Variants in CSMD3 observed in about 807,000 individuals in gnomAD.
CSMD3 encodes the protein CUB and sushi domain-containing protein 3.
Under a neutral mutation model 435.2 loss-of-function variants are expected in CSMD3, and 177 were observed. The ratio of observed to expected loss-of-function variants is 0.41; its 90% CI spans 0.36 to 0.46. The LOEUF (loss-of-function observed/expected upper bound fraction) is 0.46, where lower values mean the gene tolerates loss of function less well. Ranked by LOEUF, CSMD3 falls within the 20% of genes least tolerant of loss-of-function variation. The pLI is 0.34. For missense variants in CSMD3, 4,265 were observed against 4,504.6 expected (o/e 0.95, Z 1.52); for synonymous variants, 1,656 against 1,520.5 (o/e 1.09, Z -2.07).
At chr8:112,439,862 T>TCC (rs75592155) in intron 32 of CSMD3, among the ~76,000 whole-genome samples, 2 of 150,182 alleles carry the variant, frequency 1.3e-5, no homozygotes, top group African/African-American at 4.9e-5. Context: ...TGCCACTAGG[T>TCC]CCCCCCCCGC....
chr8:112,617,925 G>A (rs1833783212), intron 22 of CSMD3, among the ~76,000 whole-genome samples: 1 of 151,984 alleles, frequency 6.6e-6, no homozygotes, highest in Admixed American at 6.6e-5. Flanking sequence ...TCTCATATGT[G>A]TAGCTGCCAG....
chr8:113,121,590 T>C (rs780651995), intron 4 of CSMD3, among the ~76,000 whole-genome samples: 12 of 152,078 alleles, frequency 7.9e-5, no homozygotes, highest in Non-Finnish European at 1.6e-4. Context: ...AAATACTACA[T>C]AATGGCTGAA....
intron 1 of CSMD3, among the ~76,000 whole-genome samples, chr8:113,388,178 G>C (rs772703127): frequency 1.3e-5 from 2 of 151,480 alleles, no homozygotes; most frequent in Non-Finnish European, 3.0e-5. Context: ...TTTTCATAGC[G>C]GACATCCCAT....
chr8:112,656,327 A>G lies in CSMD3; in HGVS notation c.2831T>C (p.Leu944Pro), dbSNP rs1290874384. Reference protein sequence around the residue: ...KITFERFQTELNYDVLEVHDG... With the variant: ...KITFERFQTEPNYDVLEVHDG... ...ATGAACTTCCAGAACATCATAATTCAGTTCAGTCTGAAATCTAAGATTAAA... is the reference window on the plus strand; with the variant it reads ...ATGAACTTCCAGAACATCATAATTCGGTTCAGTCTGAAATCTAAGATTAAA... The change falls in exon 18 of 71, where the codon CTG (leucine) becomes CCG (proline). Residue 944 changes from leucine to proline, a missense_variant. By Grantham distance (98) the Leu-to-Pro change is moderately conservative. Transcript: ENST00000297405. The G allele has an allele frequency of 1.2e-6, 2 of 1,612,138 alleles. No homozygotes were observed. Among genetic ancestry groups the G allele is most frequent in the South Asian group, 2.2e-5 (2 of 90,924 alleles).
intron 1 of CSMD3, among the ~76,000 whole-genome samples, chr8:113,432,184 A>C (rs1465363400): frequency 2.6e-5 from 4 of 152,158 alleles, no homozygotes; most frequent in Non-Finnish European, 5.9e-5. Context: ...ACGGTGCTGC[A>C]AAAGGACATT....
At chr8:112,963,535 C>A (rs1019358397) in intron 7 of CSMD3, among the ~76,000 whole-genome samples, 1 of 151,888 alleles carries the variant, frequency 6.6e-6, no homozygotes, top group Non-Finnish European at 1.5e-5. Flanking sequence ...TGTTGCTCAT[C>A]ATCCTACCAT....
chr8:112,485,486 T>A (rs1672147157), intron 31 of CSMD3, among the ~76,000 whole-genome samples: 1 of 152,120 alleles, frequency 6.6e-6, no homozygotes, highest in African/African-American at 2.4e-5. Flanking sequence ...GCATTGATAA[T>A]GGAATGAGAC....
At chr8:112,820,488 C>A (rs1342041521) in intron 12 of CSMD3, among the ~76,000 whole-genome samples, 1 of 151,890 alleles carries the variant, frequency 6.6e-6, no homozygotes, top group Non-Finnish European at 1.5e-5. Context: ...ATCTGAATTT[C>A]TCTGTGTGCC....
Position 112,494,457 on chromosome 8 carries a change from C to A in CSMD3, c.5084-1774G>T, listed in dbSNP as rs545332159. Among the ~76,000 whole-genome samples the A allele has an allele frequency of 2.3e-4, 31 of 135,494 alleles. 1 individual carries two copies. The highest frequency in any genetic ancestry group is 4.4e-4 in the Non-Finnish European group (26 of 59,064). 88.9% of individuals were successfully genotyped at this position (135,494 alleles called of 152,430 possible). A position where few individuals can be genotyped will look rare whatever the true frequency, so the allele number is the denominator to read the frequency against. The stretch of plus-strand genomic sequence containing the variant: ...TTTCTTTGTTTTCTTTTGTTTCTTT[C>A]TCTCCTTTCTCTTTCTTTTCTTTTG... On this transcript the variant is annotated intron_variant, in intron 30 of 70. Coordinates refer to ENST00000297405, the MANE Select transcript of CSMD3 (RefSeq NM_198123.2).
chr8:113,324,094 G>C (rs1024655286), intron 1 of CSMD3, among the ~76,000 whole-genome samples: 1 of 152,154 alleles, frequency 6.6e-6, no homozygotes, highest in Non-Finnish European at 1.5e-5. Flanking sequence ...CTTGGGTGTT[G>C]TTAAAGGCAT....
intron 3 of CSMD3, among the ~76,000 whole-genome samples, chr8:113,233,346 T>A (rs1003766600): frequency 6.6e-6 from 1 of 151,290 alleles, no homozygotes; most frequent in Non-Finnish European, 1.5e-5. Context: ...CTTTTAATAA[T>A]GTCTTGACTG....
intron 14 of CSMD3, 29 bp from the exon 15 acceptor site, chr8:112,685,761 A>G (rs2131806666): frequency 1.5e-6 from 2 of 1,330,978 alleles, no homozygotes; most frequent in East Asian, 2.3e-5. Flanking sequence ...TATGAAATAC[A>G]ATAAATATTC....
intron 11 of CSMD3, among the ~76,000 whole-genome samples, chr8:112,854,819 T>A (rs1479461248): frequency 6.6e-6 from 1 of 152,126 alleles, no homozygotes; most frequent in Non-Finnish European, 1.5e-5. Context: ...AAACTTCACC[T>A]GAGGCAATTA....
intron 6 of CSMD3, among the ~76,000 whole-genome samples, chr8:112,985,322 C>A (rs1290410064): frequency 1.3e-5 from 2 of 151,922 alleles, no homozygotes; most frequent in Admixed American, 6.6e-5. Flanking sequence ...AAGACATATT[C>A]AGAAAACTTC....
At chr8:112,866,625 G>T (rs1340924761) in intron 10 of CSMD3, among the ~76,000 whole-genome samples, 1 of 152,042 alleles carries the variant, frequency 6.6e-6, no homozygotes, top group Non-Finnish European at 1.5e-5. Context: ...TTGTAGTCTT[G>T]CCCCTAGTAG....
In CSMD3 at chr8:112,686,162, G is replaced by C. The variant is rs76161168; in HGVS notation, c.2156-430C>G. 2.1e-3 allele frequency among the ~76,000 whole-genome samples: 317 copies of C among 152,254 alleles called. 1 individual carries two copies. The highest frequency in any genetic ancestry group is 7.3e-3 in the African/African-American group (305 of 41,572). The stretch of plus-strand genomic sequence containing the variant: ...TAGCTCAGAAAACACTCAAGGGGAT[G>C]GTTATCAATGTGTGAGTTCCATTTC... On this transcript the variant is annotated intron_variant, in intron 14 of 70. Transcript: ENST00000297405.
At chr8:113,268,830 T>C (rs2093494439) in intron 3 of CSMD3, among the ~76,000 whole-genome samples, 1 of 152,194 alleles carries the variant, frequency 6.6e-6, no homozygotes, top group East Asian at 1.9e-4. Flanking sequence ...TGCATAGCTT[T>C]TATAGTCAAG....
chr8:113,195,508 TA>T (rs2092641022), intron 3 of CSMD3, among the ~76,000 whole-genome samples: 1 of 150,814 alleles, frequency 6.6e-6, no homozygotes, highest in Non-Finnish European at 1.5e-5. Flanking sequence ...TTCAGATAAG[TA>T]AATATTTAAT....
At chr8:113,078,894 C>T (rs1446200498) in intron 5 of CSMD3, among the ~76,000 whole-genome samples, 1 of 152,088 alleles carries the variant, frequency 6.6e-6, no homozygotes, top group Non-Finnish European at 1.5e-5. Context: ...GCAGCCAGGG[C>T]TCCTGGAGCA....
Sources: gnomAD v4.1 joint callset for allele counts (sites outside exome capture counted in the v4.1 genomes callset) on GRCh38, gnomAD v4.1.1 for gene constraint, MANE v1.5 for transcripts, NCBI Gene and HGNC (gene_info 2026-07-23, HGNC 2026-07-21) for gene names.